ACBD4: variants seen among roughly 807,000 people sequenced by gnomAD.
ACBD4 encodes acyl-CoA-binding domain-containing protein 4.
Under a neutral mutation model 46.0 loss-of-function variants are expected in ACBD4, and 41 were observed. That is an observed-to-expected ratio of 0.89 (90% CI 0.69 to 1.16). The LOEUF (loss-of-function observed/expected upper bound fraction) is 1.16, where lower values mean the gene tolerates loss of function less well. Among genes scored for constraint, ACBD4 ranks in the 50% most tolerant of loss-of-function variants. ACBD4 has a pLI of 0.00. For missense variants in ACBD4, 393 were observed against 399.5 expected (o/e 0.98, Z 0.14); for synonymous variants, 162 against 155.9 (o/e 1.04, Z -0.29).
Position 45,143,693 on chromosome 17 carries a change from C to G in ACBD4, c.*122C>G. 6.4e-7 allele frequency: 1 copy of G among 1,550,626 alleles called. No individual in the cohort carries two copies. The highest frequency in any genetic ancestry group is 8.8e-7 in the Non-Finnish European group (1 of 1,133,908). On this transcript the variant is annotated 3_prime_UTR_variant, in exon 10 of 10. Transcript: ENST00000321854. ...CTGTCAGTGTTTGCCTTCGCACCTC[C>G]TCCCCTAAAGCAGCGCGGGGGGCAA...
chr17:45,132,625 T>C (rs936809763), upstream of ACBD4: 11 of 261,886 alleles, frequency 4.2e-5, no homozygotes, highest in Middle Eastern at 1.2e-3. This position sits in a 1 kb window ranked among gnomAD's most constrained non-coding sequence, Gnocchi z 4.6. Flanking sequence ...GGCCAGGCGG[T>C]GGCCTGGAAG....
intron 9 of ACBD4, among the ~76,000 whole-genome samples, chr17:45,140,070 C>A (rs1174336433): frequency 6.6e-6 from 1 of 152,112 alleles, no homozygotes; most frequent in Non-Finnish European, 1.5e-5. Flanking sequence ...CTCAGCACAG[C>A]AGGTGTGAGC....
At chr17:45,141,014 AAAAC>A (rs1264961459) in intron 9 of ACBD4, among the ~76,000 whole-genome samples, 3 of 152,252 alleles carry the variant, frequency 2.0e-5, no homozygotes, top group African/African-American at 7.2e-5. Flanking sequence ...CTCCATCTCA[AAAAC>A]AAACAAACAA....
upstream of ACBD4, chr17:45,132,471 G>C (rs1212795888): frequency 9.5e-7 from 1 of 1,058,134 alleles, no homozygotes; most frequent in African/African-American, 1.7e-5. This position sits in a 1 kb window ranked among gnomAD's most constrained non-coding sequence, Gnocchi z 4.6. Flanking sequence ...GCAGCGGGGC[G>C]CCGCTCTGGC....
intron 4 of ACBD4, 94 bp downstream of exon 4, chr17:45,136,870 C>T: frequency 1.3e-6 from 2 of 1,582,552 alleles, no homozygotes; most frequent in Non-Finnish European, 8.6e-7. Flanking sequence ...ACATGGACCC[C>T]CTCATGGGAA....
In ACBD4 at chr17:45,136,499, G is replaced by A; in HGVS notation, c.89-1G>A. On this transcript the variant is annotated splice_acceptor_variant, in intron 2 of 9. Coordinates refer to ENST00000321854, the MANE Select transcript of ACBD4 (RefSeq NM_001135705.3). LOFTEE classifies it high-confidence loss of function. ...CCCTGGCTTCCCAACTCTCTGCCCA[G>A]GTTCTTACCGCCCCTCCTATGAAGA... The A allele has an allele frequency of 6.2e-7, 1 of 1,612,222 alleles. No individual in the cohort carries two copies. Among genetic ancestry groups the A allele is most frequent in the Non-Finnish European group, 8.5e-7 (1 of 1,179,032 alleles).
chr17:45,136,074 G>T, intron 1 of ACBD4, 34 bp from the exon 2 acceptor site: 1 of 1,504,292 alleles, frequency 6.6e-7, no homozygotes. Context: ...GGGGGACCCT[G>T]GAGGCCCCCT....
chr17:45,137,021 G>T lies in ACBD4; in HGVS notation c.297G>T (p.Val99=). ...ITEMKLVAQK[V]IDTVPLGEVA... ...CCAACAGACCCCCTCCCCTACAGGTGATCGACACAGTGCCCCTGGGTGAGG... is the reference window on the plus strand; with the variant it reads ...CCAACAGACCCCCTCCCCTACAGGTTATCGACACAGTGCCCCTGGGTGAGG... The change falls in exon 5 of 10, where the codon GTG becomes GTT. Residue 99 remains valine (V), a splice_region_variant and synonymous_variant. Coordinates refer to ENST00000321854, the MANE Select transcript of ACBD4 (RefSeq NM_001135705.3). The T allele has an allele frequency of 6.2e-7, 1 of 1,614,112 alleles. No homozygotes were observed. The highest frequency in any genetic ancestry group is 2.2e-5 in the East Asian group (1 of 44,886).
rs2054793439 is a variant in ACBD4, at chr17:45,135,925, C to A, written c.-66C>A. On this transcript the variant is annotated 5_prime_UTR_variant, in exon 1 of 10. Coordinates refer to ENST00000321854, the MANE Select transcript of ACBD4 (RefSeq NM_001135705.3). ...CCTCGCCACCTGCCTCGCCACCTGGCGACCCTGACCCCACCACACTGCCTT... is the reference window on the plus strand; with the variant it reads ...CCTCGCCACCTGCCTCGCCACCTGGAGACCCTGACCCCACCACACTGCCTT... 1 of 538,314 alleles carries A rather than the reference C, an allele frequency of 1.9e-6. No homozygotes were observed. The highest frequency in any genetic ancestry group is 3.3e-6 in the Non-Finnish European group (1 of 300,386). 33.3% of individuals were successfully genotyped at this position (538,314 alleles called of 1,614,324 possible). A position where few individuals can be genotyped will look rare whatever the true frequency, so the allele number is the denominator to read the frequency against.
chr17:45,136,417 CT>C, intron 2 of ACBD4, 82 bp from the exon 3 acceptor site: 1 of 1,519,662 alleles, frequency 6.6e-7, no homozygotes, highest in Non-Finnish European at 9.0e-7. Context: ...CACCTCTGCC[CT>C]TTCCAAGCAG....
rs369643319 is a variant in ACBD4 at position 45,137,057 on chromosome 17, C to T, written c.333C>T (p.Asp111=). 5.3e-5 allele frequency: 85 copies of T among 1,614,000 alleles called. No homozygotes were observed. Among genetic ancestry groups the T allele is most frequent in the Admixed American group, 2.0e-4 (12 of 60,000 alleles). Residue 111 remains aspartate, a synonymous_variant, in exon 5 of 10, where the codon GAC becomes GAT. Coordinates refer to ENST00000321854, the MANE Select transcript of ACBD4 (RefSeq NM_001135705.3). ...DTVPLGEVAE[D]MFGYFEPLYQ... is the part of the protein sequence containing the mutation. ...TGCCCCTGGGTGAGGTGGCAGAGGA[C>T]ATGTTTGGTTACTTCGAGCCCCTGT...
rs1338132830 is a variant in ACBD4, at chr17:45,144,050, G to A, written c.*479G>A. On this transcript the variant is annotated 3_prime_UTR_variant, in exon 10 of 10. Coordinates refer to ENST00000321854, the MANE Select transcript of ACBD4 (RefSeq NM_001135705.3). Reference sequence around the variant, plus strand: ...GGAGGAGTGAGCAGGCCCCGGGGGAGGGGGATGAGCGCAGTTTGCTCGCTT... The same window carrying A: ...GGAGGAGTGAGCAGGCCCCGGGGGAAGGGGATGAGCGCAGTTTGCTCGCTT... 5.5e-5 allele frequency: 9 copies of A among 164,736 alleles called. No homozygotes were observed. The highest frequency in any genetic ancestry group is 3.9e-5 in the Non-Finnish European group (3 of 76,322). 10.2% of individuals were successfully genotyped at this position (164,736 alleles called of 1,614,324 possible). A position where few individuals can be genotyped will look rare whatever the true frequency, so the allele number is the denominator to read the frequency against.
Position 45,139,054 on chromosome 17 carries a change from A to G in ACBD4, c.683A>G (p.Glu228Gly), listed in dbSNP as rs777636769. 6.2e-7 allele frequency: 1 copy of G among 1,613,690 alleles called. No homozygotes were observed. Among genetic ancestry groups the G allele is most frequent in the South Asian group, 1.1e-5 (1 of 91,074 alleles). ...GLRGSPPGPQELDVWLLGTVR... is the reference protein window; with the variant it reads ...GLRGSPPGPQGLDVWLLGTVR... ...CGGGGCAGCCCGCCGGGGCCCCAGGAGTTGGACGTGTGGCTGCTGGGGACA... is the reference window on the plus strand; with the variant it reads ...CGGGGCAGCCCGCCGGGGCCCCAGGGGTTGGACGTGTGGCTGCTGGGGACA... Residue 228 changes from glutamate to glycine, a missense_variant, in exon 9 of 10, where the codon GAG becomes GGG. By Grantham distance (98) the Glu-to-Gly change is moderately conservative. Coordinates refer to ENST00000321854, the MANE Select transcript of ACBD4 (RefSeq NM_001135705.3).
At chr17:45,137,522 A>T (rs1028186515) in intron 6 of ACBD4, 68 bp downstream of exon 6, 1 of 1,557,398 alleles carries the variant, frequency 6.4e-7, no homozygotes, top group Non-Finnish European at 8.8e-7. Flanking sequence ...AGAAGGCTGG[A>T]TGCCACGCTG....
In ACBD4 at chr17:45,136,557, C is replaced by T; in HGVS notation, c.146C>T (p.Ala49Val). 3 of 1,613,828 alleles carry T rather than the reference C, an allele frequency of 1.9e-6. No homozygotes were observed. Among genetic ancestry groups the T allele is most frequent in the African/African-American group, 1.3e-5 (1 of 75,036 alleles). Residue 49 changes from alanine to valine, a missense_variant, in exon 3 of 10, where the codon GCC becomes GTC. By Grantham distance (64) the Ala-to-Val change is moderately conservative. Transcript: ENST00000321854. The part of the protein sequence containing the change: ...MLRFYSYYKQ[A>V]TMGPCLVPRP... ...CGATTCTACAGTTACTACAAGCAGG[C>T]CACCATGGGGCCCTGCCTGGTCCCC...
At position 45,137,423 on chromosome 17, in the gene ACBD4, C is replaced by A. The variant is rs773440975; in HGVS notation, c.471C>A (p.Cys157Ter). ...TTGGGGCTGTTTCAGAGCCTCCCTG[C>A]CTCCCCAAGGAACCGGCACCCCCAA... ...GDVGAVSEPP[C>*]LPKEPAPPSP... is the part of the protein sequence containing the mutation. The change falls in exon 6 of 10, where the codon TGC becomes TGA. Residue 157 changes from cysteine to a stop codon, truncating the protein, a stop_gained. Coordinates refer to ENST00000321854, the MANE Select transcript of ACBD4 (RefSeq NM_001135705.3). LOFTEE classifies it high-confidence loss of function. 1.2e-5 allele frequency: 19 copies of A among 1,613,922 alleles called. No individual in the cohort carries two copies. The highest frequency in any genetic ancestry group is 1.5e-5 in the Non-Finnish European group (18 of 1,179,992).
rs369014950 is a variant in ACBD4 at position 45,139,042 on chromosome 17, C to G, written c.671C>G (p.Pro224Arg). Residue 224 changes from proline (P) to arginine (R), a missense_variant, in exon 9 of 10, where the codon CCG becomes CGG. Physicochemically the swap from Pro to Arg is moderately radical, Grantham distance 103. This residue lies in a region of ACBD4 where 308 missense variants were observed against 301.8 expected (regional missense o/e 1.02). Coordinates refer to ENST00000321854, the MANE Select transcript of ACBD4 (RefSeq NM_001135705.3). ...GCAGAGGGGTTGCGGGGCAGCCCGC[C>G]GGGGCCCCAGGAGTTGGACGTGTGG... ...TKKEGLRGSP[P>R]GPQELDVWLL... is the part of the protein sequence containing the mutation. 4.3e-6 allele frequency: 7 copies of G among 1,613,372 alleles called. No individual in the cohort carries two copies. The highest frequency in any genetic ancestry group is 5.9e-6 in the Non-Finnish European group (7 of 1,180,022).
intron 4 of ACBD4, 49 bp downstream of exon 4, chr17:45,136,825 A>G (rs1478759532): frequency 6.2e-7 from 1 of 1,609,246 alleles, no homozygotes; most frequent in African/African-American, 1.3e-5. Context: ...AGGTGGCCTC[A>G]CCCTTCCAGT....
Position 45,138,545 on chromosome 17 carries a change from C to T in ACBD4, c.650-476C>T, listed in dbSNP as rs186653947. On this transcript the variant is annotated intron_variant, in intron 8 of 9. Transcript: ENST00000321854. ...ATGGCTCACGCCTGTAATCCCAGCA[C>T]TTTGGGAGGCCAAGGCAGGCAGATC... 208 of 184,160 alleles carry T rather than the reference C, an allele frequency of 1.1e-3. 2 individuals carry two copies. Among genetic ancestry groups the T allele is most frequent in the African/African-American group, 4.6e-3 (195 of 42,518 alleles). 11.4% of individuals were successfully genotyped at this position (184,160 alleles called of 1,614,324 possible). A position where few individuals can be genotyped will look rare whatever the true frequency, so the allele number is the denominator to read the frequency against.
Sources: allele counts gnomAD v4.1 joint callset (sites outside exome capture counted in the v4.1 genomes callset), GRCh38; gene constraint gnomAD v4.1.1; regional missense constraint gnomAD v4.1.1; non-coding constraint Gnocchi (gnomAD v3.1); transcripts MANE v1.5; gene names NCBI Gene and HGNC (gene_info 2026-07-23, HGNC 2026-07-21).